The following MGST1 variants were observed in gnomAD, a reference collection of about 807,000 sequenced individuals.
MGST1 encodes the protein glutathione S-transferase 12.
Under a neutral mutation model 8.9 loss-of-function variants are expected in MGST1, and 5 were observed. The observed-to-expected ratio is 0.56, with a 90% confidence interval of 0.29 to 1.19. The LOEUF is 1.19. Ranked by LOEUF, MGST1 falls within the 50% of genes most tolerant of loss-of-function variation. MGST1 has a pLI of 0.08. For synonymous variants in MGST1, 54 were observed against 67.8 expected, an observed-to-expected ratio of 0.80 and a Z score of 1.00; for missense variants, 182 against 187.4, an observed-to-expected ratio of 0.97 and a Z score of 0.17.
At chr12:16,391,951 C>CT (rs1211014146) in intron 1 of MGST1, among the ~76,000 whole-genome samples, 1 of 152,108 alleles carries the variant, frequency 6.6e-6, no homozygotes, top group East Asian at 1.9e-4. Context: ...CAGTTTCAAT[C>CT]TTTTTTATAT....
chr12:16,466,251 T>C (rs1941254538), intron 4 of MGST1, among the ~76,000 whole-genome samples: 1 of 152,170 alleles, frequency 6.6e-6, no homozygotes, highest in South Asian at 2.1e-4. Context: ...TAGTGTAACT[T>C]TGTGCCCCAG....
intron 4 of MGST1, among the ~76,000 whole-genome samples, chr12:16,496,330 T>C (rs1371366149): frequency 6.6e-6 from 1 of 152,072 alleles, no homozygotes; most frequent in African/African-American, 2.4e-5. Context: ...CATTCAGTAA[T>C]AGTGGAGCCA....
At chr12:16,400,444 A>G (rs1940644566) in intron 1 of MGST1, 1 of 804,832 alleles carries the variant, frequency 1.2e-6, no homozygotes, top group East Asian at 2.4e-5. Context: ...TAGATCTTTC[A>G]GTTTGGAATT....
At chr12:16,407,893 G>A (rs553004872) in intron 1 of MGST1, among the ~76,000 whole-genome samples, 4 of 151,800 alleles carry the variant, frequency 2.6e-5, no homozygotes, top group African/African-American at 7.3e-5. Context: ...TTAGCTGGGC[G>A]TGGTGGTGTT....
At chr12:16,405,520 A>C (rs750618458) in intron 1 of MGST1, among the ~76,000 whole-genome samples, 1 of 152,200 alleles carries the variant, frequency 6.6e-6, no homozygotes, top group African/African-American at 2.4e-5. Context: ...TACTGAAACT[A>C]TTCCAAAAAA....
At chr12:16,446,581 A>C (rs928104113) in intron 4 of MGST1, among the ~76,000 whole-genome samples, 3 of 151,346 alleles carry the variant, frequency 2.0e-5, no homozygotes, top group Admixed American at 1.3e-4. Context: ...CCTCCTTACC[A>C]CTCCAACCTT....
chr12:16,487,322 C>G (rs1941405679), intron 4 of MGST1, among the ~76,000 whole-genome samples: 1 of 152,092 alleles, frequency 6.6e-6, no homozygotes, highest in Admixed American at 6.6e-5. Flanking sequence ...ACCTAGAAAA[C>G]TTTATAGTTG....
chr12:16,378,406 C>T (rs891817360), downstream of MGST1, among the ~76,000 whole-genome samples: 37 of 152,194 alleles, frequency 2.4e-4, no homozygotes, highest in Non-Finnish European at 4.9e-4. Context: ...AATAGGGAAT[C>T]CTTTCCCAAT....
At chr12:16,405,108 C>T (rs1591718820) in intron 1 of MGST1, among the ~76,000 whole-genome samples, 1 of 152,146 alleles carries the variant, frequency 6.6e-6, no homozygotes, top group South Asian at 2.1e-4. Context: ...AACCTAACAT[C>T]ATAACTGAAA....
At chr12:16,398,120 C>T (rs1489329049) in intron 1 of MGST1, among the ~76,000 whole-genome samples, 1 of 149,986 alleles carries the variant, frequency 6.7e-6, no homozygotes, top group Non-Finnish European at 1.5e-5. Context: ...ACAGTTTATT[C>T]ATCTTTTAGT....
chr12:16,490,650 C>T (rs555009456), intron 4 of MGST1, among the ~76,000 whole-genome samples: 1 of 152,076 alleles, frequency 6.6e-6, no homozygotes, highest in South Asian at 2.1e-4. Context: ...ATCATTTGAT[C>T]TTTATACAAA....
chr12:16,350,215 A>G (rs1305714886), intron 1 of MGST1, among the ~76,000 whole-genome samples: 6 of 152,120 alleles, frequency 3.9e-5, no homozygotes, highest in Non-Finnish European at 8.8e-5. Context: ...AGAGTTTTGA[A>G]TACTTGACAC....
intron 1 of MGST1, among the ~76,000 whole-genome samples, chr12:16,390,942 G>A (rs1214033561): frequency 2.0e-5 from 3 of 151,708 alleles, no homozygotes; most frequent in Non-Finnish European, 2.9e-5. Flanking sequence ...ATAAGTGTTC[G>A]CTTTTCTCCA....
downstream of MGST1, among the ~76,000 whole-genome samples, chr12:16,381,452 A>G (rs981829642): frequency 1.3e-5 from 2 of 152,190 alleles, no homozygotes; most frequent in East Asian, 1.9e-4. Context: ...TTCTTTAAGA[A>G]TGTTGAATAT....
chr12:16,499,159 A>G (rs897520530), intron 4 of MGST1, among the ~76,000 whole-genome samples: 1 of 152,226 alleles, frequency 6.6e-6, no homozygotes, highest in Non-Finnish European at 1.5e-5. Flanking sequence ...TCTTTAACAT[A>G]GGTACAATAA....
intron 3 of MGST1, among the ~76,000 whole-genome samples, chr12:16,373,464 A>G (rs988434700): frequency 6.6e-6 from 1 of 152,214 alleles, no homozygotes; most frequent in South Asian, 2.1e-4. Flanking sequence ...TACCCCAATT[A>G]ACTTGATTAG....
intron 4 of MGST1, among the ~76,000 whole-genome samples, chr12:16,543,129 C>T (rs1941801963): frequency 6.6e-6 from 1 of 152,146 alleles, no homozygotes; most frequent in African/African-American, 2.4e-5. Context: ...TTACATTCCT[C>T]ACAGAACATG....
In MGST1 at chr12:16,559,499, T is replaced by A. The variant is rs1159642241; in HGVS notation, n.483-30029T>A. On this transcript the variant is annotated intron_variant and non_coding_transcript_variant, in intron 4 of 4. Transcript: ENST00000538857. The surrounding 1 kb of genome is among the most constrained non-coding windows in gnomAD (Gnocchi z 4.1). ...CAGCTTATTAGTGGCAGAGCCCATATTAGAATTTAGGTTTCCAGGTTCCCT... is the reference window on the plus strand; with the variant it reads ...CAGCTTATTAGTGGCAGAGCCCATAATAGAATTTAGGTTTCCAGGTTCCCT... 6.6e-6 allele frequency among the ~76,000 whole-genome samples: 1 copy of A among 152,190 alleles called. No individual in the cohort carries two copies. The highest frequency in any genetic ancestry group is 2.4e-5 in the African/African-American group (1 of 41,438).
At chr12:16,545,303 TAAAC>T (rs1220798400) in intron 4 of MGST1, among the ~76,000 whole-genome samples, 2 of 152,052 alleles carry the variant, frequency 1.3e-5, no homozygotes, top group Non-Finnish European at 2.9e-5. Flanking sequence ...AATTGGGCAT[TAAAC>T]AAAGAATAAG....
Sources: allele counts gnomAD v4.1 joint callset (sites outside exome capture counted in the v4.1 genomes callset), GRCh38; gene constraint gnomAD v4.1.1; non-coding constraint Gnocchi (gnomAD v3.1); transcripts MANE v1.5; gene names NCBI Gene and HGNC (gene_info 2026-07-23, HGNC 2026-07-21).